CADM2: variants seen among roughly 807,000 people sequenced by gnomAD.
CADM2 encodes immunoglobulin superfamily member 4D.
In CADM2, 12 loss-of-function variants were observed where a neutral mutation model predicts 49.8. The observed-to-expected ratio is 0.24, with a 90% CI of 0.15 to 0.39. The LOEUF (loss-of-function observed/expected upper bound fraction) is 0.39, where lower values mean the gene tolerates loss of function less well. Among genes scored for constraint, CADM2 ranks in the 10% least tolerant of loss-of-function variants. The pLI, the probability that CADM2 is intolerant of heterozygous loss-of-function variation, is 1.00. For missense variants in CADM2, 378 were observed against 492.3 expected (o/e 0.77, Z 2.20); for synonymous variants, 214 against 175.4 (o/e 1.22, Z -1.74).
intron 1 of CADM2, among the ~76,000 whole-genome samples, chr3:85,086,237 A>G (rs1402474021): frequency 6.6e-6 from 1 of 152,124 alleles, no homozygotes; most frequent in Non-Finnish European, 1.5e-5. Flanking sequence ...AAATAAGAGT[A>G]CGTTAAATTT....
intron 8 of CADM2, among the ~76,000 whole-genome samples, chr3:85,967,174 C>T (rs1725582892): frequency 1.3e-5 from 2 of 151,636 alleles, no homozygotes; most frequent in African/African-American, 4.8e-5. Context: ...AGCTTTGTTG[C>T]TCATGTAGAC....
intron 1 of CADM2, among the ~76,000 whole-genome samples, chr3:85,674,280 CAA>C (rs552270135): frequency 6.6e-6 from 1 of 152,082 alleles, no homozygotes; most frequent in South Asian, 2.1e-4. Context: ...CTAGCACACC[CAA>C]GTTAGTATTT....
chr3:85,384,312 CTATTTTTTGTTT>C (rs2034083392), intron 1 of CADM2, among the ~76,000 whole-genome samples: 1 of 151,756 alleles, frequency 6.6e-6, no homozygotes, highest in South Asian at 2.1e-4. Context: ...TTTTTTTCTT[CTATTTTTTGTTT>C]TATTTTTTTA....
chr3:85,182,465 C>T (rs185618342), intron 1 of CADM2, among the ~76,000 whole-genome samples: 16 of 152,026 alleles, frequency 1.1e-4, no homozygotes, highest in Admixed American at 3.3e-4. Context: ...AATTCTTGAT[C>T]GTGAGAAACA....
rs374130316 is a variant in CADM2, at chr3:85,914,244, C to A, written c.700+1701C>A. Reference sequence around the variant, plus strand: ...AATGGAGATTATCTCTCAATTTTGACATTTATTTGTATTTTGGCTTTGGGA... The same window carrying A: ...AATGGAGATTATCTCTCAATTTTGAAATTTATTTGTATTTTGGCTTTGGGA... On this transcript the variant is annotated intron_variant, in intron 6 of 9. Transcript: ENST00000383699. Among the ~76,000 whole-genome samples the A allele has an allele frequency of 1.6e-4, 25 of 152,108 alleles. No individual in the cohort carries two copies. The South Asian group carries it at 4.8e-3, about 29-fold the overall frequency.
At chr3:85,720,987 G>T (rs1012121216) in intron 1 of CADM2, among the ~76,000 whole-genome samples, 3 of 152,100 alleles carry the variant, frequency 2.0e-5, no homozygotes, top group Non-Finnish European at 4.4e-5. Flanking sequence ...ATAGCTAATG[G>T]TTACTACATT....
intron 1 of CADM2, among the ~76,000 whole-genome samples, chr3:85,377,576 G>A (rs769743281): frequency 3.3e-5 from 5 of 151,998 alleles, no homozygotes; most frequent in Non-Finnish European, 7.4e-5. Context: ...TAATGTCAAA[G>A]TTGCCCAATG....
intron 1 of CADM2, among the ~76,000 whole-genome samples, chr3:84,967,614 T>C (rs992004366): frequency 1.3e-5 from 2 of 152,140 alleles, no homozygotes; most frequent in Non-Finnish European, 2.9e-5. Flanking sequence ...GCTTCCTTTA[T>C]ACTCTCCAGG....
intron 1 of CADM2, among the ~76,000 whole-genome samples, chr3:85,287,881 G>A: frequency 6.7e-6 from 1 of 149,990 alleles, no homozygotes; most frequent in East Asian, 2.0e-4. Context: ...CTCACTTATA[G>A]GTGGAAACTG....
intron 1 of CADM2, among the ~76,000 whole-genome samples, chr3:85,373,379 G>A (rs927100171): frequency 1.2e-4 from 19 of 152,122 alleles, no homozygotes; most frequent in African/African-American, 4.3e-4. Context: ...TGCAAGGGGT[G>A]GGTTCCCATG....
At chr3:85,507,728 C>A (rs1427183286) in intron 1 of CADM2, among the ~76,000 whole-genome samples, 1 of 152,048 alleles carries the variant, frequency 6.6e-6, no homozygotes, top group Admixed American at 6.6e-5. Context: ...TGCTCCTCAG[C>A]AATATTATAT....
chr3:85,154,210 A>G (rs2040024912), intron 1 of CADM2, among the ~76,000 whole-genome samples: 1 of 152,212 alleles, frequency 6.6e-6, no homozygotes, highest in Admixed American at 6.5e-5. Context: ...AGAAGAATGT[A>G]TAACTAGAAT....
At chr3:85,298,029 A>G (rs1356120156) in intron 1 of CADM2, among the ~76,000 whole-genome samples, 2 of 152,058 alleles carry the variant, frequency 1.3e-5, no homozygotes, top group Non-Finnish European at 2.9e-5. Context: ...ACTCAAAATG[A>G]TGTTCCAGTT....
intron 3 of CADM2, among the ~76,000 whole-genome samples, chr3:85,810,398 C>A (rs2072779817): frequency 6.6e-6 from 1 of 151,988 alleles, no homozygotes; most frequent in African/African-American, 2.4e-5. Context: ...TTCTACATAC[C>A]CAATTTTCAG....
intron 6 of CADM2, among the ~76,000 whole-genome samples, chr3:85,927,984 A>G (rs1478889965): frequency 1.3e-5 from 2 of 152,134 alleles, no homozygotes; most frequent in Non-Finnish European, 2.9e-5. Flanking sequence ...GTGGTTTAAT[A>G]GAAGCTTCAT....
chr3:85,798,394 G>A (rs769332977), intron 2 of CADM2, among the ~76,000 whole-genome samples: 12 of 152,102 alleles, frequency 7.9e-5, no homozygotes, highest in Non-Finnish European at 1.2e-4. Context: ...GGTTTTTACG[G>A]TTTCAGATCT....
At chr3:85,161,308 C>A (rs1418602911) in intron 1 of CADM2, among the ~76,000 whole-genome samples, 1 of 152,100 alleles carries the variant, frequency 6.6e-6, no homozygotes, top group Non-Finnish European at 1.5e-5. Flanking sequence ...TGAAATAACT[C>A]ATTGTACTGG....
chr3:85,626,475 A>G (rs1399388448), intron 1 of CADM2, among the ~76,000 whole-genome samples: 1 of 151,950 alleles, frequency 6.6e-6, no homozygotes, highest in Non-Finnish European at 1.5e-5. Context: ...TGACTGAGTT[A>G]TGTCTTCTCA....
At chr3:85,915,784 T>C (rs530034036) in intron 6 of CADM2, among the ~76,000 whole-genome samples, 6 of 152,260 alleles carry the variant, frequency 3.9e-5, no homozygotes, top group African/African-American at 1.4e-4. Flanking sequence ...ATGAATAACC[T>C]AAAAGACTGG....
Sources: allele counts gnomAD v4.1 joint callset (sites outside exome capture counted in the v4.1 genomes callset), GRCh38; gene constraint gnomAD v4.1.1; transcripts MANE v1.5; gene names NCBI Gene and HGNC (gene_info 2026-07-23, HGNC 2026-07-21).